ANKRD11: variants seen among roughly 807,000 people sequenced by gnomAD.
ANKRD11 encodes ankyrin repeat domain 11.
In ANKRD11, 17 loss-of-function variants were observed where a neutral mutation model predicts 195.7. The observed-to-expected ratio is 0.09, with a 90% confidence interval of 0.06 to 0.13. The LOEUF is 0.13. Ranked by LOEUF, ANKRD11 falls within the 10% of genes least tolerant of loss-of-function variation. ANKRD11 has a pLI of 1.00. For missense variants in ANKRD11, 3,735 were observed against 3,566.1 expected, an observed-to-expected ratio of 1.05 and a Z score of -1.21; for synonymous variants, 1,953 against 1,528.1, an observed-to-expected ratio of 1.28 and a Z score of -6.49.
rs2034243553 is a variant in ANKRD11, at chr16:89,281,496, G to A, written c.5046C>T (p.Gly1682=). Residue 1682 remains glycine, a synonymous_variant, in exon 9 of 13, where the codon GGC becomes GGT. Transcript: ENST00000301030. This position sits in a 1 kb window ranked among gnomAD's most constrained non-coding sequence, Gnocchi z 5.5. ...CAGGCAGGACCTCTTTCATGTGAGG[G>A]CCTGCCAGCCAGTCTTTGGAGTCTG... ...SGADSKDWLA[G]PHMKEVLPAS... is the part of the protein sequence containing the mutation. 2 of 1,614,190 alleles carry A rather than the reference G, an allele frequency of 1.2e-6. No individual in the cohort carries two copies. The highest frequency in any genetic ancestry group is 2.2e-5 in the South Asian group (2 of 91,088).
chr16:89,324,340 C>T, intron 2 of ANKRD11: 1 of 1,165,542 alleles, frequency 8.6e-7, no homozygotes, highest in Non-Finnish European at 1.1e-6. Flanking sequence ...GACGTGGGTG[C>T]CTCACAGAAG....
intron 1 of ANKRD11, among the ~76,000 whole-genome samples, chr16:89,460,975 C>G (rs1337290488): frequency 9.4e-5 from 8 of 84,808 alleles, no homozygotes; most frequent in Admixed American, 3.6e-4. Context: ...TATGACCCCC[C>G]CCCCCAACAG....
chr16:89,457,671 G>A (rs2056497686), intron 1 of ANKRD11, among the ~76,000 whole-genome samples: 1 of 152,050 alleles, frequency 6.6e-6, no homozygotes, highest in Non-Finnish European at 1.5e-5. Context: ...AAAGTGGGCT[G>A]GCAGTGCTTG....
chr16:89,446,907 T>C (rs1354570566), intron 1 of ANKRD11, among the ~76,000 whole-genome samples: 1 of 152,066 alleles, frequency 6.6e-6, no homozygotes, highest in Non-Finnish European at 1.5e-5. Context: ...ACACACCCTC[T>C]GTCCCTGCAG....
At chr16:89,432,119 C>G (rs1406916200) in intron 1 of ANKRD11, among the ~76,000 whole-genome samples, 4 of 152,058 alleles carry the variant, frequency 2.6e-5, no homozygotes, top group Admixed American at 1.3e-4. Context: ...TCAACTTATT[C>G]CCCACAGTGC....
At chr16:89,345,364 C>A (rs1278777528) in intron 2 of ANKRD11, among the ~76,000 whole-genome samples, 1 of 151,946 alleles carries the variant, frequency 6.6e-6, no homozygotes, top group Non-Finnish European at 1.5e-5. Context: ...GGTGCCCCAT[C>A]TGGGGAGGCT....
chr16:89,286,295 G>A, intron 7 of ANKRD11, 109 bp from the exon 8 acceptor site: 5 of 1,486,500 alleles, frequency 3.4e-6, no homozygotes, highest in Non-Finnish European at 4.6e-6. Flanking sequence ...CGACCCGAGA[G>A]CAGCCCCTCA....
rs1337575623 is a variant in ANKRD11, at chr16:89,280,840, G to C, written c.5702C>G (p.Pro1901Arg). The change falls in exon 9 of 13, where the codon CCT becomes CGT. Residue 1901 changes from proline (P) to arginine (R), a missense_variant. By Grantham distance (103) the Pro-to-Arg change is moderately radical (BLOSUM62 -2). Transcript: ENST00000301030. ...SPSPRAELLV[P>R]SLEGALPPDL... ...CGGGGGAAGGGCCCCTTCGAGGGAA[G>C]GAACCAGCAGCTCGGCTCTGGGGGA... 6.2e-7 allele frequency: 1 copy of C among 1,601,480 alleles called. No homozygotes were observed. Among genetic ancestry groups the C allele is most frequent in the Admixed American group, 1.7e-5 (1 of 59,246 alleles).
At chr16:89,272,865 T>G (rs2033286717) in intron 11 of ANKRD11, 1 of 152,120 alleles carries the variant, frequency 6.6e-6, no homozygotes, top group Non-Finnish European at 1.5e-5. Flanking sequence ...TGGATGGAAC[T>G]GGGGTCATGA....
chr16:89,280,339 TTGC>T lies in ANKRD11; in HGVS notation c.6200_6202del (p.Ser2067del), dbSNP rs370776868. 18 of 1,578,980 alleles carry T rather than the reference TTGC, an allele frequency of 1.1e-5. No individual in the cohort carries two copies. The East Asian group carries it at 4.1e-4, about 36-fold the overall frequency. On this transcript the variant is annotated inframe_deletion, in exon 9 of 13. Transcript: ENST00000301030. ...CGGGGCTTCCGGAAGTGACTTGCAG[TTGC>T]TGAAGAAGGACTCCAGCCCGGAGGG...
At chr16:89,485,154 C>A (rs1318293605) in intron 1 of ANKRD11, among the ~76,000 whole-genome samples, 1 of 152,126 alleles carries the variant, frequency 6.6e-6, no homozygotes, top group Non-Finnish European at 1.5e-5. Flanking sequence ...ACTGAAAACC[C>A]TCTTAACCCT....
At chr16:89,401,143 G>C (rs1409994130) in intron 2 of ANKRD11, among the ~76,000 whole-genome samples, 6 of 145,890 alleles carry the variant, frequency 4.1e-5, no homozygotes, top group Non-Finnish European at 1.5e-5. Context: ...GCTCAGGCTG[G>C]AGTGCAATGG....
chr16:89,485,270 G>T (rs2057570627), intron 1 of ANKRD11, among the ~76,000 whole-genome samples: 1 of 151,610 alleles, frequency 6.6e-6, no homozygotes, highest in Admixed American at 6.6e-5. Flanking sequence ...GATCACCTGA[G>T]GTCAGGGGTT....
chr16:89,319,548 T>C (rs1002646387), intron 2 of ANKRD11, among the ~76,000 whole-genome samples: 2 of 152,222 alleles, frequency 1.3e-5, no homozygotes, highest in Admixed American at 6.5e-5. Flanking sequence ...TCCAGGACCC[T>C]CGTGTCCGCC....
intron 1 of ANKRD11, among the ~76,000 whole-genome samples, chr16:89,457,464 G>C (rs1243871425): frequency 6.6e-6 from 1 of 151,290 alleles, no homozygotes; most frequent in Admixed American, 6.6e-5. Flanking sequence ...CAGGCGTGGT[G>C]GTGGGCACCC....
intron 2 of ANKRD11, among the ~76,000 whole-genome samples, chr16:89,377,141 C>T (rs534632451): frequency 1.3e-5 from 2 of 152,292 alleles, no homozygotes; most frequent in East Asian, 3.9e-4. Flanking sequence ...GTGAGTTCAA[C>T]AGCAGAGGCG....
intron 3 of ANKRD11, among the ~76,000 whole-genome samples, chr16:89,310,209 C>T (rs1170156960): frequency 6.6e-6 from 1 of 152,058 alleles, no homozygotes; most frequent in Non-Finnish European, 1.5e-5. Context: ...TGTCTATGTG[C>T]GGGGTCCGCC....
chr16:89,422,550 T>C (rs954923000), intron 1 of ANKRD11, among the ~76,000 whole-genome samples: 7 of 152,148 alleles, frequency 4.6e-5, no homozygotes, highest in African/African-American at 1.7e-4. Flanking sequence ...TGTCAAGTAA[T>C]AACACGATAT....
chr16:89,284,119 T>C lies in ANKRD11; in HGVS notation c.2423A>G (p.Tyr808Cys), dbSNP rs190777305. Residue 808 changes from tyrosine (Y) to cysteine (C), a missense_variant, in exon 9 of 13, where the codon TAT (tyrosine) becomes TGT (cysteine). Tyr to Cys is a radical substitution (Grantham distance 194). Coordinates refer to ENST00000301030, the MANE Select transcript of ANKRD11 (RefSeq NM_013275.6). Reference protein sequence around the residue: ...DKEKLKKEKVYREDSAFDEYC... With the variant: ...DKEKLKKEKVCREDSAFDEYC... ...TTCGTCAAAAGCAGAATCTTCCCTA[T>C]AAACCTTTTCTTTTTTGAGTTTTTC... The C allele has an allele frequency of 1.2e-6, 2 of 1,611,150 alleles. No individual in the cohort carries two copies. The highest frequency in any genetic ancestry group is 4.5e-5 in the East Asian group (2 of 44,880).
Sources: allele counts gnomAD v4.1 joint callset (sites outside exome capture counted in the v4.1 genomes callset), GRCh38; gene constraint gnomAD v4.1.1; non-coding constraint Gnocchi (gnomAD v3.1); transcripts MANE v1.5; gene names NCBI Gene and HGNC (gene_info 2026-07-23, HGNC 2026-07-21).